MGST2: variants seen among roughly 807,000 people sequenced by gnomAD.
The protein encoded by MGST2 is microsomal glutathione S-transferase 2, also known as glutathione peroxidase MGST2.
A neutral mutation model predicts 16.6 loss-of-function variants in MGST2; 9 were observed. That is an observed-to-expected ratio of 0.54 (90% CI 0.33 to 0.95). The LOEUF is 0.95. Among genes scored for constraint, MGST2 ranks in the 40% least tolerant of loss-of-function variants. The pLI is 0.03. For missense variants in MGST2, 159 were observed against 175.1 expected (o/e 0.91, Z 0.52); for synonymous variants, 79 against 68.0 (o/e 1.16, Z -0.79).
At chr4:139,741,515 G>T (rs904527385), downstream of MGST2, among the ~76,000 whole-genome samples, 2 of 152,212 alleles carry the variant, frequency 1.3e-5, no homozygotes, top group East Asian at 3.8e-4. Context: ...ACTTTGGGAG[G>T]CTGAGGTGGG....
rs150214445 is a variant in MGST2, at chr4:139,682,181, G to A, written c.158+3539G>A. ...ACTATACTCCAGCCTGGGCAACAGCGAAAGACCCCAACTCAAAATGAAAGA... is the reference window on the plus strand; with the variant it reads ...ACTATACTCCAGCCTGGGCAACAGCAAAAGACCCCAACTCAAAATGAAAGA... On this transcript the variant is annotated intron_variant, in intron 2 of 4. Coordinates refer to ENST00000265498, the MANE Select transcript of MGST2 (RefSeq NM_002413.5). Among the ~76,000 whole-genome samples, 581 of 151,558 alleles carry A rather than the reference G, an allele frequency of 3.8e-3. 1 individual carries two copies. Among genetic ancestry groups the A allele is most frequent in the African/African-American group, 0.011 (442 of 41,338 alleles).
Position 139,731,933 on chromosome 4 carries a change from C to G in MGST2, c.*49-8279C>G, listed in dbSNP as rs571832762. Among the ~76,000 whole-genome samples, 13 of 152,240 alleles carry G rather than the reference C, an allele frequency of 8.5e-5. No individual in the cohort carries two copies. In the South Asian group the frequency reaches 2.7e-3, roughly 32 times the overall value. On this transcript the variant is annotated intron_variant, in intron 5 of 5. Transcript: ENST00000616265. ...ACACTTCCTTTCCTATTTTTTCTAC[C>G]AAGACTACCTAGCAGTGGCAAGTAT...
intron 2 of MGST2, among the ~76,000 whole-genome samples, chr4:139,682,815 G>A (rs976187624): frequency 2.6e-5 from 4 of 151,640 alleles, no homozygotes; most frequent in African/African-American, 9.7e-5. Flanking sequence ...AAGATTAGGC[G>A]TGCTGACACA....
At position 139,728,320 on chromosome 4, in the gene MGST2, A is replaced by C. The variant is rs1579366086; in HGVS notation, c.*49-11892A>C. On this transcript the variant is annotated intron_variant, in intron 5 of 5. Coordinates refer to the MGST2 transcript ENST00000616265. ...TCCTCAGGTACAGGCAAGACGCTCC[A>C]CTGACCTGGCTGGGCCATGTGGCTG... 2.6e-5 allele frequency among the ~76,000 whole-genome samples: 4 copies of C among 152,338 alleles called. No individual in the cohort carries two copies. The East Asian group carries it at 7.7e-4, about 29-fold the overall frequency.
the MGST2 span, among the ~76,000 whole-genome samples, chr4:139,748,053 TAA>T: frequency 2.9e-3 from 276 of 95,542 alleles, 1 homozygote; most frequent in South Asian, 7.5e-3. Flanking sequence ...AGACTTCGTC[TAA>T]AAAAAAAAAA....
chr4:139,687,901 A>G (rs1234478070), intron 2 of MGST2, among the ~76,000 whole-genome samples: 1 of 152,156 alleles, frequency 6.6e-6, no homozygotes, highest in Non-Finnish European at 1.5e-5. Flanking sequence ...GCCAGAATAC[A>G]TTTTTTAAAA....
chr4:139,682,172 G>A (rs1162063343), intron 2 of MGST2, among the ~76,000 whole-genome samples: 5 of 151,852 alleles, frequency 3.3e-5, no homozygotes, highest in African/African-American at 1.2e-4. Flanking sequence ...CTCCAGCCTG[G>A]GCAACAGCGA....
chr4:139,753,922 G>A, the MGST2 span, among the ~76,000 whole-genome samples: 1 of 152,180 alleles, frequency 6.6e-6, no homozygotes, highest in Admixed American at 6.5e-5. Flanking sequence ...ACAGATAAGG[G>A]AATGATTAAC....
the MGST2 span, among the ~76,000 whole-genome samples, chr4:139,747,500 C>T: frequency 3.3e-5 from 5 of 152,142 alleles, no homozygotes; most frequent in African/African-American, 1.2e-4. Context: ...TCAAGACCAG[C>T]ATGGCCAACA....
intron 3 of MGST2, among the ~76,000 whole-genome samples, chr4:139,703,119 T>G (rs1727363047): frequency 6.6e-6 from 1 of 151,612 alleles, no homozygotes; most frequent in South Asian, 2.1e-4. Flanking sequence ...AGAGACGAGG[T>G]TTCACAATGT....
At chr4:139,746,464 A>C in the MGST2 span, among the ~76,000 whole-genome samples, 4 of 152,294 alleles carry the variant, frequency 2.6e-5, no homozygotes, top group South Asian at 8.3e-4. Context: ...CCCCTTATCA[A>C]GACAACAGAG....
the MGST2 span, among the ~76,000 whole-genome samples, chr4:139,750,564 G>A: frequency 7.9e-5 from 12 of 152,174 alleles, no homozygotes; most frequent in East Asian, 1.9e-3. Context: ...ACCATATTAC[G>A]CCACATGATG....
At chr4:139,676,856 A>T (rs1730986786) in intron 1 of MGST2, among the ~76,000 whole-genome samples, 1 of 152,222 alleles carries the variant, frequency 6.6e-6, no homozygotes, top group Non-Finnish European at 1.5e-5. Flanking sequence ...TGGCCCTGCA[A>T]AGCTGTTTTT....
chr4:139,730,572 T>C, intron 5 of MGST2: 1 of 1,603,196 alleles, frequency 6.2e-7, no homozygotes, highest in South Asian at 1.1e-5. Context: ...AGCCGGGGCC[T>C]GCGGGACTGG....
chr4:139,688,252 T>G (rs1314638515), intron 2 of MGST2, among the ~76,000 whole-genome samples: 1 of 152,204 alleles, frequency 6.6e-6, no homozygotes, highest in Admixed American at 6.5e-5. Context: ...ATTTTGGTTC[T>G]CTTTAGACAA....
chr4:139,720,978 T>C (rs1560767719), intron 5 of MGST2, among the ~76,000 whole-genome samples: 1 of 152,216 alleles, frequency 6.6e-6, no homozygotes, highest in African/African-American at 2.4e-5. Context: ...ATTTTTCGGA[T>C]CCACTCTGTA....
the MGST2 span, among the ~76,000 whole-genome samples, chr4:139,746,678 T>C: frequency 2.0e-5 from 3 of 152,216 alleles, no homozygotes; most frequent in Non-Finnish European, 4.4e-5. Context: ...CGTTTGACAC[T>C]GGACCTCCGC....
At chr4:139,731,992 C>T (rs1728745775) in intron 5 of MGST2, among the ~76,000 whole-genome samples, 1 of 152,318 alleles carries the variant, frequency 6.6e-6, no homozygotes, top group East Asian at 1.9e-4. Flanking sequence ...CCTTCTACCT[C>T]ACTGAAGTTT....
At chr4:139,721,105 A>G (rs1728215247) in intron 5 of MGST2, among the ~76,000 whole-genome samples, 1 of 152,246 alleles carries the variant, frequency 6.6e-6, no homozygotes, top group African/African-American at 2.4e-5. Context: ...AACTTTACGC[A>G]TTTCTACAGC....
Sources: gnomAD v4.1 joint callset for allele counts (sites outside exome capture counted in the v4.1 genomes callset) on GRCh38, gnomAD v4.1.1 for gene constraint, MANE v1.5 for transcripts, NCBI Gene and HGNC (gene_info 2026-07-23, HGNC 2026-07-21) for gene names.